HFM1: variants seen among roughly 807,000 people sequenced by gnomAD.
HFM1 encodes probable ATP-dependent DNA helicase HFM1.
HFM1 carries 169 observed loss-of-function variants against 192.1 expected under a neutral mutation model. That is an observed-to-expected ratio of 0.88 (90% CI 0.78 to 1.00). HFM1 has a LOEUF of 1.00. Among genes scored for constraint, HFM1 ranks in the 50% least tolerant of loss-of-function variants. HFM1 has a pLI of 0.00. For synonymous variants in HFM1, 525 were observed against 537.8 expected, an observed-to-expected ratio of 0.98 and a Z score of 0.33; for missense variants, 1,661 against 1,668.0, an observed-to-expected ratio of 1.00 and a Z score of 0.07.
intron 30 of HFM1, among the ~76,000 whole-genome samples, chr1:91,291,273 T>A (rs1199521212): frequency 6.6e-6 from 1 of 152,074 alleles, no homozygotes; most frequent in African/African-American, 2.4e-5. Flanking sequence ...GCTGGTTTTT[T>A]GAAAGGATCA....
intron 2 of HFM1, among the ~76,000 whole-genome samples, chr1:91,398,320 CT>C (rs919936281): frequency 5.9e-5 from 9 of 152,148 alleles, no homozygotes; most frequent in African/African-American, 2.2e-4. Flanking sequence ...ACCATAGTAT[CT>C]TTTTTACTAA....
intron 30 of HFM1, among the ~76,000 whole-genome samples, chr1:91,299,884 T>C (rs548324195): frequency 4.5e-4 from 69 of 151,852 alleles, no homozygotes; most frequent in African/African-American, 1.4e-3. Flanking sequence ...ACTAGAGAAG[T>C]AAGAGCAAAC....
chr1:91,308,235 T>TA (rs1308995494), intron 30 of HFM1, among the ~76,000 whole-genome samples: 3 of 152,188 alleles, frequency 2.0e-5, no homozygotes, highest in Admixed American at 1.3e-4. Context: ...ATGCATATGT[T>TA]AGACCTTTTT....
At chr1:91,340,335 C>T (rs1655158731) in intron 20 of HFM1, among the ~76,000 whole-genome samples, 1 of 152,114 alleles carries the variant, frequency 6.6e-6, no homozygotes, top group South Asian at 2.1e-4. Flanking sequence ...AAAAGAAACT[C>T]CAACCATAAG....
intron 30 of HFM1, among the ~76,000 whole-genome samples, chr1:91,305,440 T>C (rs1479354156): frequency 6.6e-6 from 1 of 152,208 alleles, no homozygotes; most frequent in East Asian, 1.9e-4. Context: ...TGTACAATTG[T>C]TTTTTATATT....
chr1:91,328,256 C>T (rs748631460), intron 20 of HFM1: 33 of 633,422 alleles, frequency 5.2e-5, no homozygotes, highest in Non-Finnish European at 6.7e-5. Context: ...GAGTGTCAGG[C>T]GACCCGCAGC....
chr1:91,303,724 C>T (rs1649184661), intron 30 of HFM1, among the ~76,000 whole-genome samples: 1 of 152,204 alleles, frequency 6.6e-6, no homozygotes, highest in South Asian at 2.1e-4. Flanking sequence ...GAAGTGGTAT[C>T]TTACTGTGGT....
At chr1:91,388,622 A>T (rs1209832248) in intron 4 of HFM1, among the ~76,000 whole-genome samples, 3 of 152,218 alleles carry the variant, frequency 2.0e-5, no homozygotes, top group African/African-American at 4.8e-5. Flanking sequence ...CACAAATGTA[A>T]ACATAAGAGC....
At chr1:91,387,006 C>G (rs1662286063) in intron 4 of HFM1, among the ~76,000 whole-genome samples, 1 of 152,194 alleles carries the variant, frequency 6.6e-6, no homozygotes, top group Non-Finnish European at 1.5e-5. Context: ...CAAGGAAACA[C>G]TTTATGACTG....
intron 29 of HFM1, 119 bp from the exon 30 acceptor site, chr1:91,313,614 A>G (rs1334392797): frequency 1.7e-6 from 1 of 571,860 alleles, no homozygotes; most frequent in Admixed American, 4.0e-5. Context: ...AGAAGTCCAG[A>G]AAGTTAAAAT....
intron 35 of HFM1, 33 bp from the exon 36 acceptor site, chr1:91,266,140 G>A: frequency 1.9e-6 from 3 of 1,566,860 alleles, no homozygotes; most frequent in Non-Finnish European, 2.6e-6. Context: ...GAAACAAAAT[G>A]CCAAGAAACA....
chr1:91,316,283 A>C (rs185166436), intron 26 of HFM1, 99 bp from the exon 27 acceptor site: 2 of 1,007,276 alleles, frequency 2.0e-6, no homozygotes, highest in Non-Finnish European at 2.9e-6. Flanking sequence ...CTTATCACCC[A>C]AAAGTAAGTT....
intron 13 of HFM1, among the ~76,000 whole-genome samples, chr1:91,373,176 C>T (rs1406852951): frequency 6.6e-6 from 1 of 150,756 alleles, no homozygotes; most frequent in African/African-American, 2.4e-5. Flanking sequence ...GTAAAGAAGA[C>T]TAAATTGGCT....
intron 30 of HFM1, 145 bp from the exon 31 acceptor site, chr1:91,277,207 CG>C (rs1283273097): frequency 2.2e-6 from 1 of 450,546 alleles, no homozygotes; most frequent in Non-Finnish European, 3.8e-6. Flanking sequence ...TTGTAATCCA[CG>C]TAATTTTTTT....
At chr1:91,310,068 A>T (rs1355491646) in intron 30 of HFM1, among the ~76,000 whole-genome samples, 1 of 152,054 alleles carries the variant, frequency 6.6e-6, no homozygotes, top group African/African-American at 2.4e-5. Flanking sequence ...ACTCAAAAGG[A>T]CTCAGGAGTT....
rs551454014 is a variant in HFM1 at position 91,328,611 on chromosome 1, C to T, written c.2336-3845G>A. The T allele has an allele frequency of 3.4e-4, 543 of 1,599,696 alleles. 5 individuals are homozygous for T. In the South Asian group the frequency reaches 3.7e-3, roughly 11 times the overall value. On this transcript the variant is annotated intron_variant, in intron 20 of 38. Transcript: ENST00000370425. The stretch of plus-strand genomic sequence containing the variant: ...ACCGCACTATTCGCGTGATGGAGAA[C>T]GGCATCAAGCCCATGTATGTCTTTG...
chr1:91,321,999 A>C (rs1450240411), intron 23 of HFM1, among the ~76,000 whole-genome samples: 3 of 152,226 alleles, frequency 2.0e-5, no homozygotes, highest in Non-Finnish European at 4.4e-5. Context: ...GCGAAGTCAT[A>C]ACTTATCTGG....
rs749391952 is a variant in HFM1, at chr1:91,379,077, TA to T, written c.1143del (p.Ile382LeufsTer2). 2 of 1,572,336 alleles carry T rather than the reference TA, an allele frequency of 1.3e-6. No homozygotes were observed. Among genetic ancestry groups the T allele is most frequent in the East Asian group, 4.6e-5 (2 of 43,756 alleles). On this transcript the variant is annotated frameshift_variant, in exon 9 of 39. Transcript: ENST00000370425. LOFTEE classifies it high-confidence loss of function. ...ATAATACCTACTGGAGTTGTCATAA[TA>T]ATATGGGCATGCTGAATCTCAAATA... ...DDLFEIQHAH[I>X]IMTTPEKWDS...
rs1258835204 is a variant in HFM1, at chr1:91,351,716, A to G, written c.1978-73T>C. ...TAGCAGTCCTCTTCAATAACTGAAG[A>G]CTTCCATTTTATATTAAACAGTCTC... is the stretch of plus-strand genomic sequence containing the variant. On this transcript the variant is annotated intron_variant, in intron 16 of 38. Coordinates refer to ENST00000370425, the MANE Select transcript of HFM1 (RefSeq NM_001017975.6). The G allele has an allele frequency of 4.3e-6, 3 of 705,678 alleles. No individual in the cohort carries two copies. In the African/African-American group the frequency reaches 5.5e-5, roughly 13 times the overall value. 43.7% of individuals were successfully genotyped at this position (705,678 alleles called of 1,614,324 possible). A position where few individuals can be genotyped will look rare whatever the true frequency, so the allele number is the denominator to read the frequency against.
Sources: allele counts gnomAD v4.1 joint callset (sites outside exome capture counted in the v4.1 genomes callset), GRCh38; gene constraint gnomAD v4.1.1; transcripts MANE v1.5; gene names NCBI Gene and HGNC (gene_info 2026-07-23, HGNC 2026-07-21).